RC3H1: variants seen among roughly 807,000 people sequenced by gnomAD.
The protein encoded by RC3H1 is roquin-1.
In RC3H1, 50 loss-of-function variants were observed where a neutral mutation model predicts 138.2. That is an observed-to-expected ratio of 0.36 (90% CI 0.29 to 0.46). The LOEUF (loss-of-function observed/expected upper bound fraction) is 0.46, where lower values mean the gene tolerates loss of function less well. Among genes scored for constraint, RC3H1 ranks in the 20% least tolerant of loss-of-function variants. The probability of loss-of-function intolerance (pLI) is 1.00; values close to 1 mark genes in which losing one functional copy is unlikely to be tolerated. For synonymous variants in RC3H1, 462 were observed against 489.1 expected (o/e 0.94, Z 0.73); for missense variants, 1,031 against 1,388.1 (o/e 0.74, Z 4.09).
rs1239320220 is a variant in RC3H1 at position 173,936,708 on chromosome 1, C to A, written c.*2013G>T. 9.6e-5 allele frequency: 7 copies of A among 72,752 alleles called. No individual in the cohort carries two copies. The highest frequency in any genetic ancestry group is 1.9e-4 in the Admixed American group (1 of 5,298). The allele number at this position is 72,752 out of a possible 1,614,324, so 4.5% of individuals were successfully genotyped here. On this transcript the variant is annotated 3_prime_UTR_variant, in exon 20 of 20. Transcript: ENST00000367696. ...TAAAAGTCAAAAAGCAAACAAAAGCCAAAAAAAAAAGAAAAAGCATACATA... is the reference window on the plus strand; with the variant it reads ...TAAAAGTCAAAAAGCAAACAAAAGCAAAAAAAAAAAGAAAAAGCATACATA...
At chr1:173,975,897 CAAAAAAAAAAAAAAAAAAAAAA>C (rs71299434) in intron 7 of RC3H1, among the ~76,000 whole-genome samples, 2 of 3,606 alleles carry the variant, frequency 5.5e-4, no homozygotes, top group Non-Finnish European at 6.9e-4. Flanking sequence ...GACTCCGTCT[CAAAAAAAAAAAAAAAAAAAAAA>C]AAAAAAAAAA....
intron 1 of RC3H1, among the ~76,000 whole-genome samples, chr1:174,004,667 A>G (rs2103075945): frequency 6.6e-6 from 1 of 151,686 alleles, no homozygotes; most frequent in Admixed American, 6.5e-5. Context: ...AAAAAAAAAA[A>G]ATTAGCTGGG....
At chr1:174,020,565 T>G (rs888561755) in intron 1 of RC3H1, among the ~76,000 whole-genome samples, 45 of 152,160 alleles carry the variant, frequency 3.0e-4, no homozygotes, top group African/African-American at 1.0e-3. Flanking sequence ...CCTTAGGCCT[T>G]GCAGTTGAAT....
At position 173,937,264 on chromosome 1, in the gene RC3H1, G is replaced by A. The variant is rs148259526; in HGVS notation, c.*1457C>T. On this transcript the variant is annotated 3_prime_UTR_variant, in exon 20 of 20. Transcript: ENST00000367696. ...TGAGGTTGTTATGACCTCAGCAGGA[G>A]TTAAGGGTTAAGAAAATAAGAAACA... 6.6e-6 allele frequency: 1 copy of A among 152,272 alleles called. No homozygotes were observed. The highest frequency in any genetic ancestry group is 1.5e-5 in the Non-Finnish European group (1 of 67,952). The allele number at this position is 152,272 out of a possible 1,614,324, so 9.4% of individuals were successfully genotyped here. A position where few individuals can be genotyped will look rare whatever the true frequency, so the allele number is the denominator to read the frequency against.
chr1:174,021,441 C>T (rs987411216), intron 1 of RC3H1, among the ~76,000 whole-genome samples: 2 of 152,076 alleles, frequency 1.3e-5, no homozygotes, highest in African/African-American at 4.8e-5. Flanking sequence ...CCACTCCATC[C>T]TTTACCGATA....
At chr1:174,009,533 T>C (rs1015610339) in intron 1 of RC3H1, among the ~76,000 whole-genome samples, 24 of 152,162 alleles carry the variant, frequency 1.6e-4, no homozygotes, top group Admixed American at 1.4e-3. Context: ...CCATCGATAC[T>C]GAAATATTAG....
intron 1 of RC3H1, among the ~76,000 whole-genome samples, chr1:174,017,802 A>AAC (rs1438491073): frequency 6.7e-6 from 1 of 148,548 alleles, no homozygotes; most frequent in African/African-American, 2.6e-5. Flanking sequence ...AAAAAAAAAA[A>AAC]AAAAAAAACT....
At position 173,993,581 on chromosome 1, in the gene RC3H1, C is replaced by T. The variant is rs191439787; in HGVS notation, c.-150-446G>A. ...ACTAATTTTGTATTTTTAGTAGAGA[C>T]GGGATTTCTCCATGTTGGTCAGGCT... On this transcript the variant is annotated intron_variant, in intron 1 of 19. Transcript: ENST00000367696. Among the ~76,000 whole-genome samples, 177 of 151,782 alleles carry T rather than the reference C, an allele frequency of 1.2e-3. 1 individual carries two copies. Among genetic ancestry groups the T allele is most frequent in the African/African-American group, 4.1e-3 (172 of 41,484 alleles).
chr1:173,956,372 T>C (rs958961265), intron 13 of RC3H1, among the ~76,000 whole-genome samples: 1 of 152,122 alleles, frequency 6.6e-6, no homozygotes, highest in African/African-American at 2.4e-5. Flanking sequence ...CTAATTACCC[T>C]GCTTTCATCA....
At chr1:174,015,739 T>C (rs1200582398) in intron 1 of RC3H1, 1 of 151,990 alleles carries the variant, frequency 6.6e-6, no homozygotes, top group Non-Finnish European at 1.5e-5. Context: ...GGTCTGGAAC[T>C]CTTGGCCTCA....
chr1:173,938,436 CAA>C lies in RC3H1; in HGVS notation c.*283_*284del, dbSNP rs1658691320. ...TTTAAAGCCCTGGATCCAAGGCGTCCAAAGTTATTAAAATAAAGTTCATTCAC... is the reference window on the plus strand; with the variant it reads ...TTTAAAGCCCTGGATCCAAGGCGTCCAGTTATTAAAATAAAGTTCATTCAC... On this transcript the variant is annotated 3_prime_UTR_variant, in exon 20 of 20. Coordinates refer to ENST00000367696, the MANE Select transcript of RC3H1 (RefSeq NM_172071.4). 4.4e-6 allele frequency: 1 copy of C among 226,466 alleles called. No individual in the cohort carries two copies. The highest frequency in any genetic ancestry group is 9.2e-5 in the East Asian group (1 of 10,818). The allele number at this position is 226,466 out of a possible 1,614,324, so 14.0% of individuals were successfully genotyped here. A position where few individuals can be genotyped will look rare whatever the true frequency, so the allele number is the denominator to read the frequency against.
chr1:173,947,251 T>C (rs1571171520), intron 15 of RC3H1, 118 bp downstream of exon 15: 1 of 705,810 alleles, frequency 1.4e-6, no homozygotes, highest in East Asian at 2.6e-5. Flanking sequence ...CCATGGAAAG[T>C]TTGAAAATTA....
Position 173,991,282 on chromosome 1 carries a change from T to C in RC3H1, c.231+1473A>G, listed in dbSNP as rs961160090. Reference sequence around the variant, plus strand: ...ACATTTTTACACCTTAGAAAGACTTTTGCTTTTTCAGACAACTGATACTTA... The same window carrying C: ...ACATTTTTACACCTTAGAAAGACTTCTGCTTTTTCAGACAACTGATACTTA... On this transcript the variant is annotated intron_variant, in intron 2 of 19. Coordinates refer to ENST00000367696, the MANE Select transcript of RC3H1 (RefSeq NM_172071.4). 5.3e-5 allele frequency among the ~76,000 whole-genome samples: 8 copies of C among 152,172 alleles called. 1 individual carries two copies. Among genetic ancestry groups the C allele is most frequent in the African/African-American group, 1.9e-4 (8 of 41,464 alleles).
At chr1:173,946,011 T>C (rs1043541245) in intron 17 of RC3H1, among the ~76,000 whole-genome samples, 1 of 151,950 alleles carries the variant, frequency 6.6e-6, no homozygotes, top group Non-Finnish European at 1.5e-5. Context: ...CTACTAAAAA[T>C]ACAAAAAATT....
At chr1:173,958,612 T>C (rs923984013) in intron 13 of RC3H1, among the ~76,000 whole-genome samples, 1 of 151,750 alleles carries the variant, frequency 6.6e-6, no homozygotes, top group Non-Finnish European at 1.5e-5. Flanking sequence ...CTAGCAGGAC[T>C]GACAAAAAAA....
intron 1 of RC3H1, among the ~76,000 whole-genome samples, chr1:174,001,123 A>T (rs1423971503): frequency 6.6e-6 from 1 of 152,214 alleles, no homozygotes; most frequent in Non-Finnish European, 1.5e-5. Flanking sequence ...AGAAAGGTGG[A>T]GGAAAGTTCA....
chr1:173,995,174 A>T (rs73025612), intron 1 of RC3H1, among the ~76,000 whole-genome samples: 2,572 of 152,244 alleles, frequency 0.017, 95 homozygotes, highest in African/African-American at 0.059. Flanking sequence ...ATAATGTTTA[A>T]TATGTGTGGT....
At chr1:173,970,655 C>T (rs1317868618) in intron 8 of RC3H1, 38 bp from the exon 9 acceptor site, 2 of 1,308,910 alleles carry the variant, frequency 1.5e-6, no homozygotes, top group African/African-American at 1.5e-5. Flanking sequence ...TGTAATAACC[C>T]CCCACAAAAA....
At chr1:173,981,195 T>C (rs572279108) in intron 5 of RC3H1, among the ~76,000 whole-genome samples, 186 bp from the exon 6 acceptor site, 10 of 152,324 alleles carry the variant, frequency 6.6e-5, no homozygotes, top group African/African-American at 2.4e-4. Flanking sequence ...CCATTCTGAG[T>C]CAAGTTGGAT....
Sources: allele counts gnomAD v4.1 joint callset (sites outside exome capture counted in the v4.1 genomes callset), GRCh38; gene constraint gnomAD v4.1.1; transcripts MANE v1.5; gene names NCBI Gene and HGNC (gene_info 2026-07-23, HGNC 2026-07-21).